Variants in ANO10 observed in about 807,000 individuals in gnomAD.
ANO10 encodes anoctamin 10.
In ANO10, 77 loss-of-function variants were observed where a neutral mutation model predicts 74.7. The ratio of observed to expected loss-of-function variants is 1.03; its 90% CI spans 0.86 to 1.25. The LOEUF (loss-of-function observed/expected upper bound fraction) is 1.25, where lower values mean the gene tolerates loss of function less well. Ranked by LOEUF, ANO10 falls within the 50% of genes most tolerant of loss-of-function variation. The pLI is 0.00. For missense variants in ANO10, 721 were observed against 778.1 expected, an observed-to-expected ratio of 0.93 and a Z score of 0.87; for synonymous variants, 279 against 284.9, an observed-to-expected ratio of 0.98 and a Z score of 0.21.
chr3:43,583,128 A>C (rs903629613), intron 4 of ANO10, among the ~76,000 whole-genome samples: 1 of 152,226 alleles, frequency 6.6e-6, no homozygotes, highest in Non-Finnish European at 1.5e-5. Context: ...TGTGAACTGA[A>C]GACTCAGAGA....
chr3:43,588,650 A>G (rs1481679359), intron 4 of ANO10, among the ~76,000 whole-genome samples: 2 of 152,146 alleles, frequency 1.3e-5, no homozygotes, highest in Non-Finnish European at 2.9e-5. Flanking sequence ...ATGATACTGA[A>G]AGGGGCTGAA....
intron 10 of ANO10, among the ~76,000 whole-genome samples, chr3:43,554,203 T>C (rs1471383082): frequency 6.7e-6 from 1 of 148,174 alleles, no homozygotes; most frequent in Non-Finnish European, 1.5e-5. Flanking sequence ...TTTTTTTTTT[T>C]CTTTTTTTGA....
chr3:43,465,148 T>G (rs1470138039), intron 11 of ANO10, among the ~76,000 whole-genome samples: 1 of 152,162 alleles, frequency 6.6e-6, no homozygotes, highest in African/African-American at 2.4e-5. Flanking sequence ...AATAAGCAAA[T>G]TTTTCAAAGT....
At chr3:43,414,620 A>G (rs2092710764) in intron 12 of ANO10, among the ~76,000 whole-genome samples, 1 of 152,206 alleles carries the variant, frequency 6.6e-6, no homozygotes, top group Non-Finnish European at 1.5e-5. Context: ...TGGTTAAAAT[A>G]CAGTGGGATA....
At chr3:43,594,494 C>A (rs1431718799) in intron 4 of ANO10, among the ~76,000 whole-genome samples, 4 of 152,196 alleles carry the variant, frequency 2.6e-5, no homozygotes. Flanking sequence ...AACTGAACAA[C>A]CTGCTCCTGA....
chr3:43,481,818 C>A (rs2076278563), intron 11 of ANO10, among the ~76,000 whole-genome samples: 1 of 151,974 alleles, frequency 6.6e-6, no homozygotes, highest in South Asian at 2.1e-4. Context: ...AGAGGCTTTC[C>A]AAATCACACT....
At chr3:43,562,536 C>T (rs896525063) in intron 8 of ANO10, among the ~76,000 whole-genome samples, 6 of 146,786 alleles carry the variant, frequency 4.1e-5, no homozygotes, top group Admixed American at 6.9e-5. Context: ...CAAAAATTAG[C>T]CAGGCGTGGT....
chr3:43,475,389 C>A (rs754209799), intron 11 of ANO10, among the ~76,000 whole-genome samples: 124 of 152,170 alleles, frequency 8.1e-4, no homozygotes, highest in Non-Finnish European at 1.6e-3. Flanking sequence ...ACCTATAATT[C>A]TTTCCAGTCC....
chr3:43,460,427 T>C (rs144144024), intron 11 of ANO10, among the ~76,000 whole-genome samples: 5 of 152,332 alleles, frequency 3.3e-5, no homozygotes, highest in African/African-American at 9.6e-5. Context: ...CTAAACAAAT[T>C]AAGTGAACTT....
intron 11 of ANO10, among the ~76,000 whole-genome samples, chr3:43,477,511 G>A (rs557293612): frequency 6.6e-6 from 1 of 152,094 alleles, no homozygotes; most frequent in Non-Finnish European, 1.5e-5. Context: ...TATATTTTAA[G>A]TGCTAAATCA....
intron 11 of ANO10, among the ~76,000 whole-genome samples, chr3:43,522,336 A>G (rs1224547686): frequency 6.6e-6 from 1 of 151,688 alleles, no homozygotes; most frequent in Non-Finnish European, 1.5e-5. Flanking sequence ...AATACATTAA[A>G]AAAAAGCTCT....
intron 11 of ANO10, among the ~76,000 whole-genome samples, chr3:43,516,927 G>A (rs2077736339): frequency 6.6e-6 from 1 of 152,184 alleles, no homozygotes; most frequent in Non-Finnish European, 1.5e-5. Context: ...GAATGGCTGA[G>A]ATAGTGGTAT....
intron 9 of ANO10, among the ~76,000 whole-genome samples, chr3:43,559,364 T>C (rs965913194): frequency 6.6e-6 from 1 of 152,220 alleles, no homozygotes; most frequent in African/African-American, 2.4e-5. Context: ...GGAGATAATG[T>C]TGTTTGCCCA....
At chr3:43,548,155 A>G (rs2079286005) in intron 11 of ANO10, among the ~76,000 whole-genome samples, 2 of 152,216 alleles carry the variant, frequency 1.3e-5, no homozygotes, top group Non-Finnish European at 2.9e-5. Context: ...TTTCTGGTCA[A>G]TCCCTTGTAA....
intron 11 of ANO10, among the ~76,000 whole-genome samples, chr3:43,488,294 G>A (rs867807577): frequency 0.02 from 2,994 of 150,830 alleles, 60 homozygotes; most frequent in African/African-American, 0.054. Context: ...AAAAGCAATG[G>A]CAACAAAAGA....
chr3:43,649,827 T>C (rs2083768330), intron 1 of ANO10, among the ~76,000 whole-genome samples: 1 of 152,166 alleles, frequency 6.6e-6, no homozygotes, highest in Non-Finnish European at 1.5e-5. Context: ...GCTTGTCTGT[T>C]CAGTCACCAC....
At chr3:43,485,375 G>T in intron 11 of ANO10, 2 of 455,482 alleles carry the variant, frequency 4.4e-6, no homozygotes, top group South Asian at 2.1e-5. Context: ...TGCCGCTCCT[G>T]ATCGGGCTAA....
At chr3:43,669,179 T>C (rs993407049) in intron 1 of ANO10, among the ~76,000 whole-genome samples, 7 of 152,088 alleles carry the variant, frequency 4.6e-5, no homozygotes, top group Non-Finnish European at 8.8e-5. Flanking sequence ...CCAGGTCAAT[T>C]AGTCTCTGGA....
intron 10 of ANO10, among the ~76,000 whole-genome samples, chr3:43,552,565 A>G (rs1028940565): frequency 9.2e-5 from 14 of 151,578 alleles, no homozygotes; most frequent in Non-Finnish European, 2.9e-5. Flanking sequence ...TTCTTCTTTC[A>G]TAATTCCTTA....
Sources: allele counts gnomAD v4.1 joint callset (sites outside exome capture counted in the v4.1 genomes callset), GRCh38; gene constraint gnomAD v4.1.1; transcripts MANE v1.5; gene names NCBI Gene and HGNC (gene_info 2026-07-23, HGNC 2026-07-21).